Variants in ARHGAP44 observed in about 807,000 individuals in gnomAD.
The protein encoded by ARHGAP44 is rho GTPase-activating protein 44.
In ARHGAP44, 43 loss-of-function variants were observed where a neutral mutation model predicts 106.8. That is an observed-to-expected ratio of 0.40 (90% confidence interval 0.32 to 0.52). The LOEUF is 0.52. Among genes scored for constraint, ARHGAP44 ranks in the 20% least tolerant of loss-of-function variants. ARHGAP44 has a pLI of 0.48. For synonymous variants in ARHGAP44, 439 were observed against 410.3 expected, an observed-to-expected ratio of 1.07 and a Z score of -0.85; for missense variants, 866 against 1,050.5, an observed-to-expected ratio of 0.82 and a Z score of 2.43.
chr17:12,802,984 TTTTTTTG>T, intron 1 of ARHGAP44, among the ~76,000 whole-genome samples: 1 of 113,990 alleles, frequency 8.8e-6, no homozygotes, highest in African/African-American at 3.7e-5. Context: ...TTTTTTTTTT[TTTTTTTG>T]AGGCAGAGTC....
In ARHGAP44 at chr17:12,949,084, C is replaced by G. The variant is rs1027918257; in HGVS notation, c.862-56C>G. ...GAAGCAGGCAGTTGCGGGGTCTCTG[C>G]GCTTTGATGTTGTACCTTGGAGTTG... is the stretch of plus-strand genomic sequence containing the variant. On this transcript the variant is annotated intron_variant, in intron 10 of 20. Coordinates refer to ENST00000379672, the MANE Select transcript of ARHGAP44 (RefSeq NM_014859.6). This position sits in a 1 kb window ranked among gnomAD's most constrained non-coding sequence, Gnocchi z 4.1. 4.4e-5 allele frequency: 65 copies of G among 1,491,506 alleles called. No homozygotes were observed. The highest frequency in any genetic ancestry group is 9.6e-5 in the South Asian group (8 of 82,972). The allele number at this position is 1,491,506 out of a possible 1,614,324, so 92.4% of individuals were successfully genotyped here. A position where few individuals can be genotyped will look rare whatever the true frequency, so the allele number is the denominator to read the frequency against.
intron 1 of ARHGAP44, among the ~76,000 whole-genome samples, chr17:12,834,836 A>G (rs997717565): frequency 6.6e-6 from 1 of 151,750 alleles, no homozygotes; most frequent in African/African-American, 2.4e-5. Context: ...TGATGCTAGC[A>G]TCTCCTTATT....
intron 6 of ARHGAP44, among the ~76,000 whole-genome samples, chr17:12,921,238 TG>T (rs2150957212): frequency 6.6e-6 from 1 of 152,256 alleles, no homozygotes; most frequent in South Asian, 2.1e-4. Context: ...AGCTAATTTT[TG>T]TATTTTTAGT....
At chr17:12,914,571 G>A (rs1375004920) in intron 4 of ARHGAP44, among the ~76,000 whole-genome samples, 6 of 152,130 alleles carry the variant, frequency 3.9e-5, no homozygotes, top group Non-Finnish European at 8.8e-5. Flanking sequence ...GAGGTGGGTG[G>A]ATCACCTGAG....
chr17:12,841,626 ACACACACACAC>A lies in ARHGAP44; in HGVS notation c.53+51736_53+51746del, dbSNP rs1410742896. ...CACACACACACACACACACACACACACACACACACACACAAACAAACAAACAAAAACCACAC... is the reference window on the plus strand; with the variant it reads ...CACACACACACACACACACACACACAACAAACAAACAAACAAAAACCACAC... On this transcript the variant is annotated intron_variant, in intron 1 of 20. Transcript: ENST00000379672. 6.5e-4 allele frequency among the ~76,000 whole-genome samples: 91 copies of A among 140,380 alleles called. 1 individual carries two copies. The highest frequency in any genetic ancestry group is 9.0e-4 in the Non-Finnish European group (59 of 65,394). 92.1% of individuals were successfully genotyped at this position (140,380 alleles called of 152,430 possible).
chr17:12,838,860 GTA>G, intron 1 of ARHGAP44, among the ~76,000 whole-genome samples: 2 of 151,812 alleles, frequency 1.3e-5, no homozygotes, highest in South Asian at 4.2e-4. Context: ...GTATGTGTGT[GTA>G]TATATATGTA....
At chr17:12,945,652 G>A (rs2143027882) in intron 10 of ARHGAP44, among the ~76,000 whole-genome samples, 1 of 152,262 alleles carries the variant, frequency 6.6e-6, no homozygotes, top group Admixed American at 6.5e-5. Flanking sequence ...TGAGCATGCG[G>A]GTGTATGTGG....
At chr17:12,927,890 G>A (rs1401057181) in intron 6 of ARHGAP44, among the ~76,000 whole-genome samples, 2 of 152,190 alleles carry the variant, frequency 1.3e-5, no homozygotes, top group South Asian at 2.1e-4. Flanking sequence ...ATAGAGGATC[G>A]TGCGGACTAG....
intron 3 of ARHGAP44, among the ~76,000 whole-genome samples, chr17:12,901,640 T>A (rs1055847279): frequency 6.6e-6 from 1 of 152,012 alleles, no homozygotes; most frequent in African/African-American, 2.4e-5. Context: ...CAACCCCAAG[T>A]GACTGTTGAA....
chr17:12,975,169 T>A (rs1266751840), intron 18 of ARHGAP44, among the ~76,000 whole-genome samples: 1 of 152,154 alleles, frequency 6.6e-6, no homozygotes, highest in Non-Finnish European at 1.5e-5. Context: ...TTTATTGAAC[T>A]GTACGCACCT....
intron 6 of ARHGAP44, among the ~76,000 whole-genome samples, chr17:12,926,475 AAT>A (rs5819391): frequency 0.17 from 22,049 of 130,000 alleles, 2,086 homozygotes; most frequent in East Asian, 0.43. Flanking sequence ...TAATATATAT[AAT>A]ATATATGTAT....
chr17:12,824,117 C>T (rs1022099669), intron 1 of ARHGAP44, among the ~76,000 whole-genome samples: 2 of 152,012 alleles, frequency 1.3e-5, no homozygotes, highest in East Asian at 1.9e-4. Context: ...TGGATTTCCT[C>T]GTGGATCACT....
chr17:12,823,052 T>C (rs2034818352), intron 1 of ARHGAP44, among the ~76,000 whole-genome samples: 1 of 152,214 alleles, frequency 6.6e-6, no homozygotes, highest in Admixed American at 6.5e-5. Flanking sequence ...ATAGGGTATA[T>C]TGTATCTGGC....
At chr17:12,954,423 C>T (rs1450833092) in intron 13 of ARHGAP44, among the ~76,000 whole-genome samples, 1 of 152,180 alleles carries the variant, frequency 6.6e-6, no homozygotes, top group East Asian at 1.9e-4. Context: ...AGCCCTAGGC[C>T]GCTGGCCAGC....
intron 1 of ARHGAP44, among the ~76,000 whole-genome samples, chr17:12,834,897 A>G (rs1297294199): frequency 6.6e-6 from 1 of 152,236 alleles, no homozygotes. Flanking sequence ...CTATAATTAT[A>G]TCTACCATGT....
intron 4 of ARHGAP44, 42 bp from the exon 5 acceptor site, chr17:12,915,858 T>C: frequency 6.4e-7 from 1 of 1,551,978 alleles, no homozygotes; most frequent in Non-Finnish European, 8.8e-7. Context: ...TGAAATGTTG[T>C]CTTCAAGAGT....
At chr17:12,896,015 ACAC>A (rs1381597138) in intron 2 of ARHGAP44, among the ~76,000 whole-genome samples, 1 of 151,072 alleles carries the variant, frequency 6.6e-6, no homozygotes, top group Non-Finnish European at 1.5e-5. Flanking sequence ...AGAAAATCAA[ACAC>A]CACATGTTCT....
intron 1 of ARHGAP44, among the ~76,000 whole-genome samples, chr17:12,814,582 T>C (rs2034542007): frequency 6.6e-6 from 1 of 152,010 alleles, no homozygotes; most frequent in Non-Finnish European, 1.5e-5. Flanking sequence ...GGAGCAGATA[T>C]AGATTAATTC....
Position 12,977,123 on chromosome 17 carries a change from C to T in ARHGAP44, c.1763+2813C>T, listed in dbSNP as rs3785711. Among the ~76,000 whole-genome samples, 124 of 151,928 alleles carry T rather than the reference C, an allele frequency of 8.2e-4. 2 individuals are homozygous for T. In the East Asian group the frequency reaches 0.02, roughly 24 times the overall value. On this transcript the variant is annotated intron_variant, in intron 18 of 20. Transcript: ENST00000379672. ...GGCAGGCAATGGCACCCTCTGGTTT[C>T]GATTATTTTAAAGCCAACTCACATT...
Sources: gnomAD v4.1 joint callset for allele counts (sites outside exome capture counted in the v4.1 genomes callset) on GRCh38, gnomAD v4.1.1 for gene constraint, Gnocchi (gnomAD v3.1) non-coding constraint, MANE v1.5 for transcripts, NCBI Gene and HGNC (gene_info 2026-07-23, HGNC 2026-07-21) for gene names.